SAMD12: variants seen among roughly 807,000 people sequenced by gnomAD.
SAMD12 encodes sterile alpha motif domain containing 12, also known as sterile alpha motif domain-containing protein 12.
A neutral mutation model predicts 15.0 loss-of-function variants in SAMD12; 9 were observed. The observed-to-expected ratio is 0.60, with a 90% CI of 0.36 to 1.05. SAMD12 has a LOEUF of 1.05. Among genes scored for constraint, SAMD12 ranks in the 50% least tolerant of loss-of-function variants. The pLI is 0.01. For missense variants in SAMD12, 230 were observed against 234.2 expected (o/e 0.98, Z 0.12); for synonymous variants, 86 against 90.1 (o/e 0.96, Z 0.25).
At chr8:118,333,860 G>A (rs368339259) in intron 4 of SAMD12, among the ~76,000 whole-genome samples, 43 of 149,626 alleles carry the variant, frequency 2.9e-4, no homozygotes, top group African/African-American at 1.0e-3. Flanking sequence ...GCGGGGGTAT[G>A]TCTGTGTGTG....
chr8:118,584,648 A>T (rs1827385699), intron 1 of SAMD12, among the ~76,000 whole-genome samples: 1 of 152,196 alleles, frequency 6.6e-6, no homozygotes, highest in African/African-American at 2.4e-5. Flanking sequence ...AGAGTTAAAA[A>T]CCAAAATGAA....
rs575687507 is a variant in SAMD12 at position 118,464,239 on chromosome 8, C to T, written c.193-24278G>A. ...ATATTTATATAGCTGATGCGGCTAA[C>T]TTTGCTAAACCTAAACTGGTTGTGT... On this transcript the variant is annotated intron_variant, in intron 2 of 3. Coordinates refer to ENST00000314727, the MANE Select transcript of SAMD12 (RefSeq NM_207506.3). 2.3e-4 allele frequency among the ~76,000 whole-genome samples: 35 copies of T among 152,288 alleles called. No homozygotes were observed. In the South Asian group the frequency reaches 2.7e-3, roughly 12 times the overall value.
intron 2 of SAMD12, among the ~76,000 whole-genome samples, chr8:118,569,284 G>A (rs919779010): frequency 3.3e-5 from 5 of 152,004 alleles, no homozygotes; most frequent in Admixed American, 6.6e-5. Flanking sequence ...TTAAAATATT[G>A]TATAAAATTG....
intron 2 of SAMD12, among the ~76,000 whole-genome samples, chr8:118,551,457 A>G (rs1189363207): frequency 6.6e-6 from 1 of 152,090 alleles, no homozygotes; most frequent in East Asian, 1.9e-4. Flanking sequence ...AGGCAGAAAT[A>G]AAGATGTTCT....
intron 1 of SAMD12, among the ~76,000 whole-genome samples, chr8:118,581,833 C>G (rs1827304030): frequency 6.6e-6 from 1 of 152,130 alleles, no homozygotes; most frequent in Non-Finnish European, 1.5e-5. Context: ...TACCCCAACT[C>G]TTCAAATTCA....
At chr8:118,164,177 G>A in the SAMD12 span, among the ~76,000 whole-genome samples, 3 of 152,298 alleles carry the variant, frequency 2.0e-5, no homozygotes, top group Non-Finnish European at 4.4e-5. Flanking sequence ...GTTTGTTGCT[G>A]TGAGGAGACA....
At chr8:118,540,491 G>T (rs539653294) in intron 2 of SAMD12, among the ~76,000 whole-genome samples, 5 of 152,102 alleles carry the variant, frequency 3.3e-5, no homozygotes, top group Non-Finnish European at 5.9e-5. Flanking sequence ...ATAACCCTGG[G>T]TGTGTATATA....
intron 3 of SAMD12, among the ~76,000 whole-genome samples, chr8:118,417,500 TA>T (rs1292075458): frequency 1.3e-5 from 2 of 152,166 alleles, no homozygotes; most frequent in East Asian, 3.8e-4. Flanking sequence ...TTGAGTAAAT[TA>T]ATGAACACTA....
At chr8:118,473,893 T>C (rs575921797) in intron 2 of SAMD12, among the ~76,000 whole-genome samples, 4 of 152,312 alleles carry the variant, frequency 2.6e-5, no homozygotes, top group Admixed American at 2.0e-4. Flanking sequence ...AAATCTGGGA[T>C]GGTTTAAATC....
Position 118,242,002 on chromosome 8 carries a change from C to T in SAMD12, c.434-44270G>A, listed in dbSNP as rs1812579422. Among the ~76,000 whole-genome samples, 3 of 152,224 alleles carry T rather than the reference C, an allele frequency of 2.0e-5. No homozygotes were observed. The South Asian group carries it at 6.2e-4, about 32-fold the overall frequency. On this transcript the variant is annotated intron_variant, in intron 4 of 4. Transcript: ENST00000409003. ...TCATGCCTCACCGAAGCCTTGACCT[C>T]CCTGGGCTCAGGTTATCCTCCCACC...
chr8:118,574,159 G>A (rs1196960439), intron 2 of SAMD12, among the ~76,000 whole-genome samples: 7 of 152,212 alleles, frequency 4.6e-5, no homozygotes, highest in African/African-American at 1.7e-4. Context: ...ATTATAGGCA[G>A]AAGGGATGGC....
At chr8:118,306,404 G>T (rs1378011435) in intron 4 of SAMD12, among the ~76,000 whole-genome samples, 10 of 152,152 alleles carry the variant, frequency 6.6e-5, no homozygotes, top group Admixed American at 6.5e-4. Flanking sequence ...CAAAAGTGAT[G>T]GAATCAGATG....
intron 4 of SAMD12, among the ~76,000 whole-genome samples, chr8:118,369,120 C>T (rs12675261): frequency 0.23 from 35,197 of 152,058 alleles, 4,288 homozygotes; most frequent in African/African-American, 0.29. Flanking sequence ...TGGAGCACAC[C>T]GGATGGAAGA....
At chr8:118,452,130 G>A (rs1428302252) in intron 2 of SAMD12, among the ~76,000 whole-genome samples, 2 of 149,716 alleles carry the variant, frequency 1.3e-5, no homozygotes, top group African/African-American at 2.5e-5. Flanking sequence ...AAGAGGACAC[G>A]ATGAGACCCT....
chr8:118,288,442 T>A (rs760474267), intron 4 of SAMD12: 1 of 152,200 alleles, frequency 6.6e-6, no homozygotes, highest in South Asian at 2.1e-4. Flanking sequence ...ACACTCTTCC[T>A]CATCATTGTA....
At chr8:118,524,784 C>T (rs1825489622) in intron 2 of SAMD12, among the ~76,000 whole-genome samples, 1 of 152,150 alleles carries the variant, frequency 6.6e-6, no homozygotes, top group South Asian at 2.1e-4. Context: ...TCCTCATGAT[C>T]CATCATTGAA....
At chr8:118,479,770 T>A (rs573172532) in intron 2 of SAMD12, among the ~76,000 whole-genome samples, 2 of 82,596 alleles carry the variant, frequency 2.4e-5, no homozygotes, top group African/African-American at 9.6e-5. Context: ...CCTGCCATGA[T>A]ACTCTTTTTT....
In SAMD12 at chr8:118,592,335, T is replaced by G. The variant is rs549356810; in HGVS notation, c.14-11442A>C. ...TGGCAAATGGGAAATGAAATGAAAT[T>G]CAGACTGATACCACATAGTTCCCAT... is the stretch of plus-strand genomic sequence containing the variant. On this transcript the variant is annotated intron_variant, in intron 1 of 3. Transcript: ENST00000314727. 1.3e-4 allele frequency among the ~76,000 whole-genome samples: 20 copies of G among 152,188 alleles called. No homozygotes were observed. In the South Asian group the frequency reaches 3.9e-3, roughly 30 times the overall value.
At chr8:118,513,009 ATTTTTTTT>A (rs11294934) in intron 2 of SAMD12, among the ~76,000 whole-genome samples, 1 of 150,404 alleles carries the variant, frequency 6.6e-6, no homozygotes, top group South Asian at 2.1e-4. Context: ...GAATACTTAT[ATTTTTTTT>A]TTTTCTTACA....
Sources: gnomAD v4.1 joint callset for allele counts (sites outside exome capture counted in the v4.1 genomes callset) on GRCh38, gnomAD v4.1.1 for gene constraint, MANE v1.5 for transcripts, NCBI Gene and HGNC (gene_info 2026-07-23, HGNC 2026-07-21) for gene names.